Variants in CCDC13 observed in about 807,000 individuals in gnomAD.
The protein encoded by CCDC13 is coiled-coil domain-containing protein 13.
In CCDC13, 70 loss-of-function variants were observed where a neutral mutation model predicts 87.3. The ratio of observed to expected loss-of-function variants is 0.80; its 90% CI spans 0.66 to 0.98. The LOEUF is 0.98. Ranked by LOEUF, CCDC13 falls within the 50% of genes least tolerant of loss-of-function variation. The pLI, the probability that CCDC13 is intolerant of heterozygous loss-of-function variation, is 0.00. For missense variants in CCDC13, 842 were observed against 892.0 expected, an observed-to-expected ratio of 0.94 and a Z score of 0.71; for synonymous variants, 317 against 360.3, an observed-to-expected ratio of 0.88 and a Z score of 1.36.
Position 42,709,749 on chromosome 3 carries a change from C to A in CCDC13, c.1923G>T (p.Lys641Asn), listed in dbSNP as rs73829276. Residue 641 changes from lysine to asparagine, a missense_variant, in exon 15 of 16, where the codon AAG (lysine) becomes AAT (asparagine). Lys to Asn is a moderately conservative substitution (Grantham distance 94). Transcript: ENST00000310232. ...CGGAGAGCTGGGCAAAGGATGGGTC[C>A]TTCTTCTCGCTCCCGGTTGGGTTGT... ...NRHNPTGSEK[K>N]DPSFAQLSDV... The A allele has an allele frequency of 2.2e-3, 3,587 of 1,614,044 alleles. 52 individuals are homozygous for A. The African/African-American group carries it at 0.041, about 19-fold the overall frequency.
rs1329222036 is a variant in CCDC13, at chr3:42,752,040, C to A, written c.514-15G>T. 3 of 1,600,504 alleles carry A rather than the reference C, an allele frequency of 1.9e-6. No homozygotes were observed. The highest frequency in any genetic ancestry group is 2.5e-6 in the Non-Finnish European group (3 of 1,178,374). Reference sequence around the variant, plus strand: ...GCTGTCTGCAGCTGAAAAAGCAAACCTCGTGCTTAATACTCTGCTCAGCGA... The same window carrying A: ...GCTGTCTGCAGCTGAAAAAGCAAACATCGTGCTTAATACTCTGCTCAGCGA... On this transcript the variant is annotated splice_polypyrimidine_tract_variant and intron_variant, in intron 4 of 15. Transcript: ENST00000310232.
At chr3:42,730,007 C>G (rs1000948818) in intron 13 of CCDC13, among the ~76,000 whole-genome samples, 2 of 152,182 alleles carry the variant, frequency 1.3e-5, no homozygotes, top group African/African-American at 4.8e-5. Flanking sequence ...CCTCCTGGTC[C>G]AGTGCCTCAG....
intron 10 of CCDC13, among the ~76,000 whole-genome samples, chr3:42,734,720 C>T (rs1274281797): frequency 6.6e-6 from 1 of 152,194 alleles, no homozygotes; most frequent in Non-Finnish European, 1.5e-5. Context: ...CAGTCAATTT[C>T]CCAGTGGGCC....
chr3:42,754,608 T>C (rs1219456714), intron 3 of CCDC13, among the ~76,000 whole-genome samples: 1 of 152,122 alleles, frequency 6.6e-6, no homozygotes, highest in East Asian at 1.9e-4. Flanking sequence ...CTGGATAGGA[T>C]GTGTGAAGCA....
intron 3 of CCDC13, 116 bp from the exon 4 acceptor site, chr3:42,752,833 C>T: frequency 7.9e-7 from 1 of 1,265,348 alleles, no homozygotes; most frequent in Non-Finnish European, 1.1e-6. Flanking sequence ...CATGAATGCT[C>T]ATAAAGGGGC....
chr3:42,727,969 T>C (rs530500265), intron 13 of CCDC13, among the ~76,000 whole-genome samples: 49 of 152,338 alleles, frequency 3.2e-4, no homozygotes, highest in Middle Eastern at 3.4e-3. Flanking sequence ...GATTAAACGA[T>C]ACTGTTCAAA....
chr3:42,743,444 G>C (rs1699286521), intron 7 of CCDC13, among the ~76,000 whole-genome samples: 1 of 146,628 alleles, frequency 6.8e-6, no homozygotes, highest in Non-Finnish European at 1.5e-5. Context: ...TAGAGACAGG[G>C]TCTTGCTCTG....
At chr3:42,709,923 G>A (rs1274239281) in intron 14 of CCDC13, 125 bp from the exon 15 acceptor site, 2 of 711,936 alleles carry the variant, frequency 2.8e-6, no homozygotes, top group East Asian at 2.7e-5. Context: ...CGCCTTCGGG[G>A]TGCAGGGCAA....
intron 1 of CCDC13, among the ~76,000 whole-genome samples, chr3:42,766,179 G>A (rs970748629): frequency 6.6e-6 from 1 of 152,146 alleles, no homozygotes; most frequent in Admixed American, 6.5e-5. Context: ...TGACAGAGGA[G>A]CAGTTTTCCA....
chr3:42,771,541 G>A (rs373592905), intron 1 of CCDC13, among the ~76,000 whole-genome samples: 1 of 152,200 alleles, frequency 6.6e-6, no homozygotes, highest in African/African-American at 2.4e-5. Flanking sequence ...GACCACTTGA[G>A]GCCAGGAGTT....
chr3:42,759,307 C>CAA (rs36014297), intron 1 of CCDC13, among the ~76,000 whole-genome samples: 11 of 126,942 alleles, frequency 8.7e-5, no homozygotes, highest in African/African-American at 1.2e-4. Context: ...ACCCTGTCTC[C>CAA]AAAAAAAAAA....
intron 13 of CCDC13, among the ~76,000 whole-genome samples, chr3:42,724,209 A>G (rs1318478327): frequency 1.3e-5 from 2 of 152,256 alleles, no homozygotes; most frequent in Admixed American, 1.3e-4. Flanking sequence ...TTTTAGGAAT[A>G]AGCAAACTCT....
rs749211540 is a variant in CCDC13 at position 42,713,332 on chromosome 3, G to A, written c.1719-16C>T. ...CTCCTCCACCCTGGTGATTAGAGAGGAGGGGATGCTACATGCCCTGGCAGG... is the reference window on the plus strand; with the variant it reads ...CTCCTCCACCCTGGTGATTAGAGAGAAGGGGATGCTACATGCCCTGGCAGG... On this transcript the variant is annotated splice_polypyrimidine_tract_variant and intron_variant, in intron 13 of 15. Coordinates refer to ENST00000310232, the MANE Select transcript of CCDC13 (RefSeq NM_144719.4). 2.5e-6 allele frequency: 4 copies of A among 1,612,838 alleles called. No individual in the cohort carries two copies. Among genetic ancestry groups the A allele is most frequent in the Non-Finnish European group, 3.4e-6 (4 of 1,179,498 alleles).
rs370060548 is a variant in CCDC13, at chr3:42,719,696, T to C, written c.1719-6380A>G. Reference sequence around the variant, plus strand: ...TGGATGAGGTTTCCTTCTTGTCTTGTAAATCCTTGGGAGCTTGACCTTGTA... The same window carrying C: ...TGGATGAGGTTTCCTTCTTGTCTTGCAAATCCTTGGGAGCTTGACCTTGTA... On this transcript the variant is annotated intron_variant, in intron 13 of 15. Coordinates refer to ENST00000310232, the MANE Select transcript of CCDC13 (RefSeq NM_144719.4). Among the ~76,000 whole-genome samples, 230 of 152,316 alleles carry C rather than the reference T, an allele frequency of 1.5e-3. 7 individuals carry two copies. In the South Asian group the frequency reaches 0.045, roughly 30 times the overall value.
At chr3:42,709,316 C>T (rs1698247103) in intron 15 of CCDC13, among the ~76,000 whole-genome samples, 177 bp from the exon 16 acceptor site, 1 of 152,224 alleles carries the variant, frequency 6.6e-6, no homozygotes, top group South Asian at 2.1e-4. Context: ...TCTCTATGGG[C>T]CTGGCTCCCT....
chr3:42,743,148 T>C (rs1699275151), intron 7 of CCDC13, 91 bp from the exon 8 acceptor site: 1 of 1,420,772 alleles, frequency 7.0e-7, no homozygotes, highest in African/African-American at 1.4e-5. Context: ...AGACTGAAGA[T>C]GGAACCACCT....
intron 13 of CCDC13, chr3:42,714,265 A>C (rs1045170847): frequency 1.5e-4 from 23 of 152,240 alleles, no homozygotes; most frequent in Admixed American, 1.4e-3. Context: ...GTCCATAACA[A>C]TAATCATATC....
intron 3 of CCDC13, 66 bp from the exon 4 acceptor site, chr3:42,752,783 C>G (rs1458457602): frequency 1.8e-5 from 28 of 1,573,118 alleles, no homozygotes; most frequent in Non-Finnish European, 2.3e-5. Context: ...CATGCTCCAC[C>G]ACTAACAGCA....
intron 13 of CCDC13, among the ~76,000 whole-genome samples, chr3:42,728,389 TC>T (rs1435696262): frequency 6.7e-6 from 1 of 148,846 alleles, no homozygotes. Context: ...AGAGAAAGAC[TC>T]CCCCCCACCC....
Sources: gnomAD v4.1 joint callset for allele counts (sites outside exome capture counted in the v4.1 genomes callset) on GRCh38, gnomAD v4.1.1 for gene constraint, MANE v1.5 for transcripts, NCBI Gene and HGNC (gene_info 2026-07-23, HGNC 2026-07-21) for gene names.